Variants in MUC5AC observed in about 807,000 individuals in gnomAD.
MUC5AC encodes the protein mucin-5AC.
Under a neutral mutation model 169.7 loss-of-function variants are expected in MUC5AC, and 158 were observed. The observed-to-expected ratio is 0.93, with a 90% CI of 0.82 to 1.06. The LOEUF is 1.06. Ranked by LOEUF, MUC5AC falls within the 50% of genes least tolerant of loss-of-function variation. MUC5AC has a pLI of 0.00. For synonymous variants in MUC5AC, 1,975 were observed against 1,237.0 expected (o/e 1.60, Z -12.52); for missense variants, 4,359 against 3,089.9 (o/e 1.41, Z -9.74).
chr11:1,183,943 C>A lies in MUC5AC; in HGVS notation c.5798C>A (p.Thr1933Asn), dbSNP rs1197254296. ...TCCATGTCGACCACGGCCCCGGGGA[C>A]CTCTGTGGTCTCCAGCAAGCCCACC... is the stretch of plus-strand genomic sequence containing the variant. ...TSSMSTTAPGTSVVSSKPTPT... is the reference protein window; with the variant it reads ...TSSMSTTAPGNSVVSSKPTPT... The change falls in exon 31 of 49, where the codon ACC becomes AAC. Residue 1933 changes from threonine to asparagine, a missense_variant. Transcript: ENST00000621226. 655 of 397,080 alleles carry A rather than the reference C, an allele frequency of 1.6e-3. 3 individuals carry two copies. Among genetic ancestry groups the A allele is most frequent in the Non-Finnish European group, 2.5e-3 (573 of 228,316 alleles). 24.6% of individuals were successfully genotyped at this position (397,080 alleles called of 1,614,324 possible). A position where few individuals can be genotyped will look rare whatever the true frequency, so the allele number is the denominator to read the frequency against.
Position 1,164,472 on chromosome 11 carries a change from A to T in MUC5AC, c.1069A>T (p.Asn357Tyr). The part of the protein sequence containing the change: ...CRSPCADTCS[N>Y]QEHSRACEDH... ...CTCCCCCTGCGCAGACACCTGCTCCAACCAGGAGCACTCCCGGGCCTGTGA... is the reference window on the plus strand; with the variant it reads ...CTCCCCCTGCGCAGACACCTGCTCCTACCAGGAGCACTCCCGGGCCTGTGA... The change falls in exon 9 of 49, where the codon AAC becomes TAC. Residue 357 changes from asparagine (N) to tyrosine (Y), a missense_variant. Transcript: ENST00000621226. 6.2e-7 allele frequency: 1 copy of T among 1,611,992 alleles called. No individual in the cohort carries two copies. Among genetic ancestry groups the T allele is most frequent in the South Asian group, 1.1e-5 (1 of 90,896 alleles).
chr11:1,185,173 G>T lies in MUC5AC; in HGVS notation c.7028G>T (p.Gly2343Val), dbSNP rs1860906077. The T allele has an allele frequency of 1.4e-6, 1 of 710,592 alleles. No individual in the cohort carries two copies. Among genetic ancestry groups the T allele is most frequent in the African/African-American group, 2.0e-5 (1 of 49,676 alleles). The allele number at this position is 710,592 out of a possible 1,614,324, so 44.0% of individuals were successfully genotyped here. ...GCCCCTACAAGCAGCACAACCTCTG[G>T]TCCTGGAACTACTCCCAGCCCTGTT... The part of the protein sequence containing the change: ...TSAPTSSTTS[G>V]PGTTPSPVPT... Residue 2343 changes from glycine (G) to valine (V), a missense_variant, in exon 31 of 49, where the codon GGT becomes GTT. Physicochemically the swap from Gly to Val is moderately radical, Grantham distance 109 (BLOSUM62 -3). Coordinates refer to ENST00000621226, the MANE Select transcript of MUC5AC (RefSeq NM_001304359.2).
At position 1,165,620 on chromosome 11, in the gene MUC5AC, A is replaced by T; in HGVS notation, c.1248-2A>T. 6.2e-7 allele frequency: 1 copy of T among 1,611,822 alleles called. No individual in the cohort carries two copies. Among genetic ancestry groups the T allele is most frequent in the Non-Finnish European group, 8.5e-7 (1 of 1,179,694 alleles). On this transcript the variant is annotated splice_acceptor_variant, in intron 10 of 48. Coordinates refer to ENST00000621226, the MANE Select transcript of MUC5AC (RefSeq NM_001304359.2). LOFTEE classifies it high-confidence loss of function. ...CCACGTGGCACCATCTCTTGCTCTCAGCACCTGCTCCGGAGGCCGGTGGAG... is the reference window on the plus strand; with the variant it reads ...CCACGTGGCACCATCTCTTGCTCTCTGCACCTGCTCCGGAGGCCGGTGGAG...
intron 13 of MUC5AC, 40 bp downstream of exon 13, chr11:1,168,592 G>A (rs1241874187): frequency 6.2e-7 from 1 of 1,612,486 alleles, no homozygotes; most frequent in Admixed American, 1.7e-5. Context: ...GGGCTGCCTG[G>A]GGTCCCGCCC....
intron 15 of MUC5AC, among the ~76,000 whole-genome samples, chr11:1,169,283 A>T (rs1860427391): frequency 6.6e-6 from 1 of 151,660 alleles, no homozygotes; most frequent in African/African-American, 2.4e-5. Flanking sequence ...CTGACCGCCT[A>T]CCCCTGCACA....
chr11:1,184,483 C>T lies in MUC5AC; in HGVS notation c.6338C>T (p.Thr2113Ile), dbSNP rs1860883701. The T allele has an allele frequency of 3.1e-6, 2 of 646,480 alleles. No homozygotes were observed. The highest frequency in any genetic ancestry group is 2.5e-5 in the East Asian group (1 of 39,594). The allele number at this position is 646,480 out of a possible 1,614,324, so 40.0% of individuals were successfully genotyped here. ...CAGGGCACCCACACCACACCAGTCA[C>T]CAGAAACTGTCATCCCCGGTGCACC... ...VTQGTHTTPV[T>I]RNCHPRCTWT... The change falls in exon 31 of 49, where the codon ACC (threonine) becomes ATC (isoleucine). Residue 2113 changes from threonine (T) to isoleucine (I), a missense_variant. Transcript: ENST00000621226.
rs1338071517 is a variant in MUC5AC, at chr11:1,185,110, C to G, written c.6965C>G (p.Thr2322Ser). 4.2e-6 allele frequency: 3 copies of G among 715,530 alleles called. No individual in the cohort carries two copies. The highest frequency in any genetic ancestry group is 7.7e-6 in the Non-Finnish European group (3 of 391,746). 44.3% of individuals were successfully genotyped at this position (715,530 alleles called of 1,614,324 possible). ...ACCAGCACAATCTCTGCTCCTACAACTAGCATAACCTCTGCCCCTACAACC... is the reference window on the plus strand; with the variant it reads ...ACCAGCACAATCTCTGCTCCTACAAGTAGCATAACCTCTGCCCCTACAACC... ...PTTSTISAPT[T>S]SITSAPTTST... Residue 2322 changes from threonine to serine, a missense_variant, in exon 31 of 49, where the codon ACT becomes AGT. Thr to Ser is a moderately conservative substitution (Grantham distance 58). Transcript: ENST00000621226.
In MUC5AC at chr11:1,190,804, G is replaced by A; in HGVS notation, c.12659G>A (p.Gly4220Asp). ...TSAATSSTTS[G>D]SGTTPSPVPT... Reference sequence around the variant, plus strand: ...GCTGCTACAAGCAGCACAACCTCCGGTTCTGGAACTACTCCAAGCCCTGTT... The same window carrying A: ...GCTGCTACAAGCAGCACAACCTCCGATTCTGGAACTACTCCAAGCCCTGTT... Residue 4220 changes from glycine to aspartate, a missense_variant, in exon 31 of 49, where the codon GGT becomes GAT. Transcript: ENST00000621226. 1.4e-6 allele frequency: 1 copy of A among 720,890 alleles called. No homozygotes were observed. The highest frequency in any genetic ancestry group is 2.5e-6 in the Non-Finnish European group (1 of 397,266). 44.7% of individuals were successfully genotyped at this position (720,890 alleles called of 1,614,324 possible). A position where few individuals can be genotyped will look rare whatever the true frequency, so the allele number is the denominator to read the frequency against.
Position 1,172,463 on chromosome 11 carries a change from C to A in MUC5AC, c.1905C>A (p.Thr635=). 2.5e-6 allele frequency: 1 copy of A among 398,696 alleles called. No homozygotes were observed. Among genetic ancestry groups the A allele is most frequent in the African/African-American group, 2.1e-5 (1 of 48,768 alleles). 24.7% of individuals were successfully genotyped at this position (398,696 alleles called of 1,614,324 possible). A position where few individuals can be genotyped will look rare whatever the true frequency, so the allele number is the denominator to read the frequency against. ...CTCAGCACTGGTGCTCGCAGCTGAC[C>A]GATGCCGACGGCCCCTTCGGCCGGT... ...KYAQHWCSQL[T]DADGPFGRCH... is the part of the protein sequence containing the mutation. Residue 635 remains threonine (T), a synonymous_variant, in exon 16 of 49, where the codon ACC becomes ACA. Coordinates refer to ENST00000621226, the MANE Select transcript of MUC5AC (RefSeq NM_001304359.2).
chr11:1,167,280 C>T (rs1049826400), intron 11 of MUC5AC, among the ~76,000 whole-genome samples: 21 of 150,648 alleles, frequency 1.4e-4, no homozygotes, highest in Admixed American at 4.0e-4. Flanking sequence ...CTGCACCCAA[C>T]ACAGTCTCCC....
At chr11:1,164,767 G>GCCC (rs1860259776) in intron 9 of MUC5AC, among the ~76,000 whole-genome samples, 1 of 148,138 alleles carries the variant, frequency 6.8e-6, no homozygotes, top group Non-Finnish European at 1.5e-5. Context: ...CCTGTCCTGA[G>GCCC]CCTCCTGAGG....
intron 42 of MUC5AC, 87 bp downstream of exon 42, chr11:1,198,091 C>G (rs537399686): frequency 1.6e-6 from 1 of 642,208 alleles, no homozygotes; most frequent in African/African-American, 1.8e-5. Flanking sequence ...GATGCCAGTG[C>G]GGCTTGTCCA....
chr11:1,189,835 C>G lies in MUC5AC; in HGVS notation c.11690C>G (p.Ser3897Cys). The G allele has an allele frequency of 5.3e-6, 4 of 756,766 alleles. No individual in the cohort carries two copies. Among genetic ancestry groups the G allele is most frequent in the Non-Finnish European group, 9.7e-6 (4 of 413,536 alleles). The allele number at this position is 756,766 out of a possible 1,614,324, so 46.9% of individuals were successfully genotyped here. A position where few individuals can be genotyped will look rare whatever the true frequency, so the allele number is the denominator to read the frequency against. The change falls in exon 31 of 49, where the codon TCC (serine) becomes TGC (cysteine). Residue 3897 changes from serine (S) to cysteine (C), a missense_variant. Ser to Cys is a moderately radical substitution (Grantham distance 112, BLOSUM62 -1). Coordinates refer to ENST00000621226, the MANE Select transcript of MUC5AC (RefSeq NM_001304359.2). The stretch of plus-strand genomic sequence containing the variant: ...TCTCCCCCTACAAGCAGCACAAGCT[C>G]CACTCCACAGACCAGCAAAACCTCA... ...TTSPPTSSTSSTPQTSKTSAA... is the reference protein window; with the variant it reads ...TTSPPTSSTSCTPQTSKTSAA...
At chr11:1,163,820 C>T (rs1445351849) in intron 6 of MUC5AC, 62 bp from the exon 7 acceptor site, 10 of 1,353,192 alleles carry the variant, frequency 7.4e-6, no homozygotes, top group South Asian at 3.7e-5. Context: ...CTCTGCTGCT[C>T]GGGTGCTGGG....
At chr11:1,161,768 G>A in intron 3 of MUC5AC, 139 bp from the exon 4 acceptor site, 3 of 1,360,172 alleles carry the variant, frequency 2.2e-6, no homozygotes, top group South Asian at 2.9e-5. Context: ...GATGCAGGAA[G>A]GACCCCTGGG....
At position 1,162,041 on chromosome 11, in the gene MUC5AC, G is replaced by C. The variant is rs747696530; in HGVS notation, c.346G>C (p.Glu116Gln). 1.9e-6 allele frequency: 3 copies of C among 1,612,532 alleles called. No homozygotes were observed. Among genetic ancestry groups the C allele is most frequent in the Middle Eastern group, 3.3e-4 (2 of 6,060 alleles). Residue 116 changes from glutamate to glutamine, a missense_variant, in exon 4 of 49, where the codon GAG (glutamate) becomes CAG (glutamine). Glu to Gln is a conservative substitution (Grantham distance 29). Coordinates refer to ENST00000621226, the MANE Select transcript of MUC5AC (RefSeq NM_001304359.2). ...CTCCGAGCACTGCGGTGCCGCCTAC[G>C]AGGATTTTAACATCCAGCTACGCCG... ...VFSEHCGAAY[E>Q]DFNIQLRRSQ...
intron 12 of MUC5AC, among the ~76,000 whole-genome samples, chr11:1,168,242 A>G (rs1246195261): frequency 1.3e-5 from 2 of 152,214 alleles, no homozygotes; most frequent in Non-Finnish European, 2.9e-5. Flanking sequence ...ACCTGCGGCC[A>G]GCATGGCTTC....
At chr11:1,194,431 G>A (rs1861205324) in intron 34 of MUC5AC, 56 bp from the exon 35 acceptor site, 2 of 713,134 alleles carry the variant, frequency 2.8e-6, no homozygotes, top group East Asian at 2.6e-5. Flanking sequence ...CTGAGCAGCG[G>A]CTGACCGCCC....
intron 42 of MUC5AC, 55 bp downstream of exon 42, chr11:1,198,059 G>A: frequency 1.6e-6 from 1 of 637,994 alleles, no homozygotes; most frequent in Non-Finnish European, 2.9e-6. Flanking sequence ...TCTCCACCTG[G>A]GATTTTGGGG....
Sources: allele counts gnomAD v4.1 joint callset (sites outside exome capture counted in the v4.1 genomes callset), GRCh38; gene constraint gnomAD v4.1.1; transcripts MANE v1.5; gene names NCBI Gene and HGNC (gene_info 2026-07-23, HGNC 2026-07-21).